Variants in PTPRD observed in about 807,000 individuals in gnomAD.
PTPRD encodes protein tyrosine phosphatase receptor type D.
Under a neutral mutation model 214.5 loss-of-function variants are expected in PTPRD, and 34 were observed. The observed-to-expected ratio is 0.16, with a 90% CI of 0.12 to 0.21. The LOEUF (loss-of-function observed/expected upper bound fraction) is 0.21. PTPRD is among the 10% of genes least tolerant of loss of function. The probability of loss-of-function intolerance (pLI) is 1.00; values close to 1 mark genes in which losing one functional copy is unlikely to be tolerated. For synonymous variants in PTPRD, 1,128 were observed against 845.7 expected (o/e 1.33, Z -5.79); for missense variants, 2,545 against 2,398.7 (o/e 1.06, Z -1.27).
chr9:8,558,537 A>G (rs1437268221), intron 14 of PTPRD, among the ~76,000 whole-genome samples: 1 of 152,202 alleles, frequency 6.6e-6, no homozygotes, highest in Non-Finnish European at 1.5e-5. Context: ...TCTGATGGAG[A>G]GAGCTCAGAA....
At chr9:10,263,382 T>C (rs2498626) in intron 3 of PTPRD, among the ~76,000 whole-genome samples, 1 of 151,906 alleles carries the variant, frequency 6.6e-6, no homozygotes, top group African/African-American at 2.4e-5. Context: ...AAGTTTGGAA[T>C]TTCCTAGAGA....
At chr9:10,156,791 A>G (rs1592665701) in intron 3 of PTPRD, among the ~76,000 whole-genome samples, 2 of 152,214 alleles carry the variant, frequency 1.3e-5, no homozygotes, top group South Asian at 2.1e-4. Flanking sequence ...AGTTTTTAAG[A>G]ACTTGCTTTA....
chr9:10,009,313 G>T (rs538234891), intron 4 of PTPRD, among the ~76,000 whole-genome samples: 10 of 145,434 alleles, frequency 6.9e-5, no homozygotes, highest in Non-Finnish European at 1.4e-4. Context: ...AGTATCCAAG[G>T]TGGTTGGGTT....
intron 11 of PTPRD, among the ~76,000 whole-genome samples, chr9:8,968,505 G>A (rs1446425791): frequency 1.3e-5 from 2 of 151,998 alleles, no homozygotes; most frequent in Non-Finnish European, 2.9e-5. Context: ...CTGATCGCCA[G>A]TGATGATAAG....
chr9:8,880,807 C>G (rs1439079087), intron 11 of PTPRD, among the ~76,000 whole-genome samples: 2 of 152,144 alleles, frequency 1.3e-5, no homozygotes, highest in Non-Finnish European at 2.9e-5. Flanking sequence ...TTTCTTGAGA[C>G]AGTGTCTGAC....
intron 3 of PTPRD, among the ~76,000 whole-genome samples, chr9:10,314,422 T>C: frequency 6.6e-6 from 1 of 151,856 alleles, no homozygotes; most frequent in East Asian, 1.9e-4. Context: ...TGAAAAGAAA[T>C]ATAGCAGGAA....
intron 14 of PTPRD, among the ~76,000 whole-genome samples, chr9:8,552,965 C>T (rs562506673): frequency 6.6e-6 from 1 of 152,310 alleles, no homozygotes; most frequent in Non-Finnish European, 1.5e-5. Context: ...ACACATTCTG[C>T]ATTACCCAGC....
chr9:10,343,182 G>A (rs950842648), intron 2 of PTPRD, among the ~76,000 whole-genome samples: 3 of 151,904 alleles, frequency 2.0e-5, no homozygotes, highest in Non-Finnish European at 4.4e-5. Context: ...CTGTGTCCAG[G>A]TGATCTCCTT....
At chr9:8,464,598 CCA>C (rs2096501959) in intron 32 of PTPRD, among the ~76,000 whole-genome samples, 1 of 151,874 alleles carries the variant, frequency 6.6e-6, no homozygotes, top group African/African-American at 2.4e-5. Flanking sequence ...AACTGGGTTG[CCA>C]CACCTGTCAT....
intron 4 of PTPRD, among the ~76,000 whole-genome samples, chr9:9,997,075 A>C (rs1399049891): frequency 6.6e-6 from 1 of 152,212 alleles, no homozygotes; most frequent in Non-Finnish European, 1.5e-5. Flanking sequence ...TCCAAGACCT[A>C]AAGAAAACAA....
At chr9:9,374,448 C>G (rs1402793512) in intron 9 of PTPRD, among the ~76,000 whole-genome samples, 2 of 151,922 alleles carry the variant, frequency 1.3e-5, no homozygotes, top group East Asian at 1.9e-4. Flanking sequence ...AAAGGAGCAA[C>G]ATTTGAGAAA....
intron 9 of PTPRD, among the ~76,000 whole-genome samples, chr9:9,295,685 G>C (rs1040208676): frequency 3.3e-5 from 5 of 151,788 alleles, no homozygotes; most frequent in African/African-American, 9.7e-5. Context: ...GGTAGTATGT[G>C]TCATGACATA....
chr9:10,422,532 TG>T (rs1482694846), intron 2 of PTPRD, among the ~76,000 whole-genome samples: 1 of 151,792 alleles, frequency 6.6e-6, no homozygotes, highest in Non-Finnish European at 1.5e-5. Context: ...ACCTACAGAA[TG>T]GGAGAAAATT....
Position 10,231,587 on chromosome 9 carries a change from C to G in PTPRD, c.-545+109376G>C, listed in dbSNP as rs374583111. Among the ~76,000 whole-genome samples, 10 of 151,882 alleles carry G rather than the reference C, an allele frequency of 6.6e-5. 1 individual carries two copies. In the Middle Eastern group the frequency reaches 0.01, roughly 155 times the overall value. On this transcript the variant is annotated intron_variant, in intron 3 of 45. Transcript: ENST00000381196. ...GAGGTGGTGCACATACACATGCATG[C>G]GTGAACCTGTGTGTTACTTCCTCTC...
chr9:10,394,800 T>C (rs926071332), intron 2 of PTPRD, among the ~76,000 whole-genome samples: 16 of 151,766 alleles, frequency 1.1e-4, no homozygotes, highest in Non-Finnish European at 1.3e-4. Flanking sequence ...AACGTCAATA[T>C]AAACTTTACA....
rs1404889097 is a variant in PTPRD at position 8,880,704 on chromosome 9, A to G, written c.-104+137993T>C. ...CGATTATTCATATGTATAACAACAC[A>G]TTTATCCAAGCACAAATAAATAGAA... On this transcript the variant is annotated intron_variant, in intron 11 of 45. Coordinates refer to ENST00000381196, the MANE Select transcript of PTPRD (RefSeq NM_002839.4). Among the ~76,000 whole-genome samples, 4 of 152,088 alleles carry G rather than the reference A, an allele frequency of 2.6e-5. No homozygotes were observed. The East Asian group carries it at 7.7e-4, about 29-fold the overall frequency.
chr9:8,492,537 A>G (rs1257038394), intron 27 of PTPRD, among the ~76,000 whole-genome samples: 1 of 149,264 alleles, frequency 6.7e-6, no homozygotes, highest in Non-Finnish European at 1.5e-5. Flanking sequence ...GAATTTCATG[A>G]GTGTAGATTC....
intron 37 of PTPRD, among the ~76,000 whole-genome samples, chr9:8,386,817 G>C (rs1311330502): frequency 6.6e-6 from 1 of 152,194 alleles, no homozygotes; most frequent in African/African-American, 2.4e-5. Context: ...TTAGGTAAAA[G>C]AGCAACTGGA....
At chr9:8,701,960 A>T (rs549345545) in intron 12 of PTPRD, among the ~76,000 whole-genome samples, 1 of 152,296 alleles carries the variant, frequency 6.6e-6, no homozygotes, top group African/African-American at 2.4e-5. Flanking sequence ...TTCCTGATAA[A>T]TCAGGGTTTA....
Sources: allele counts gnomAD v4.1 joint callset (sites outside exome capture counted in the v4.1 genomes callset), GRCh38; gene constraint gnomAD v4.1.1; transcripts MANE v1.5; gene names NCBI Gene and HGNC (gene_info 2026-07-23, HGNC 2026-07-21).